Variants in ANKS1B observed in about 807,000 individuals in gnomAD.
ANKS1B encodes ankyrin repeat and sterile alpha motif domain containing 1B.
ANKS1B carries 36 observed loss-of-function variants against 148.3 expected under a neutral mutation model. The observed-to-expected ratio is 0.24, with a 90% confidence interval of 0.19 to 0.32. The LOEUF (loss-of-function observed/expected upper bound fraction) is 0.32. Ranked by LOEUF, ANKS1B falls within the 10% of genes least tolerant of loss-of-function variation. ANKS1B has a pLI of 1.00. For missense variants in ANKS1B, 1,157 were observed against 1,542.6 expected (o/e 0.75, Z 4.19); for synonymous variants, 542 against 560.8 (o/e 0.97, Z 0.47).
At chr12:99,082,899 T>A (rs2050310937) in intron 16 of ANKS1B, among the ~76,000 whole-genome samples, 1 of 152,140 alleles carries the variant, frequency 6.6e-6, no homozygotes, top group East Asian at 1.9e-4. Context: ...GGCACTGTGC[T>A]AGGTGCTATA....
At chr12:98,990,539 T>A in intron 17 of ANKS1B, among the ~76,000 whole-genome samples, 8 of 131,818 alleles carry the variant, frequency 6.1e-5, no homozygotes, top group East Asian at 2.2e-4. Context: ...GCAGCAAGAG[T>A]CAGGATGATA....
intron 17 of ANKS1B, among the ~76,000 whole-genome samples, chr12:98,840,198 G>T (rs1026868022): frequency 6.6e-6 from 1 of 152,032 alleles, no homozygotes; most frequent in Non-Finnish European, 1.5e-5. Flanking sequence ...CTGAGCTTTG[G>T]CACCTTAATT....
At chr12:99,701,540 T>C (rs569574907) in intron 8 of ANKS1B, among the ~76,000 whole-genome samples, 1 of 152,252 alleles carries the variant, frequency 6.6e-6, no homozygotes, top group Admixed American at 6.5e-5. Flanking sequence ...GCTACAAACA[T>C]TCCAATTGTA....
chr12:99,288,739 C>G (rs2079492409), intron 12 of ANKS1B, among the ~76,000 whole-genome samples: 1 of 151,770 alleles, frequency 6.6e-6, no homozygotes. Context: ...CTCCTGATAA[C>G]CTCAAATCAT....
chr12:99,746,821 C>G (rs1031334107), intron 8 of ANKS1B, among the ~76,000 whole-genome samples: 3 of 152,170 alleles, frequency 2.0e-5, no homozygotes, highest in African/African-American at 7.2e-5. Context: ...TTTCTAACTT[C>G]AAGTTGTATA....
chr12:98,766,111 G>A (rs925708469), intron 25 of ANKS1B, among the ~76,000 whole-genome samples: 1 of 152,210 alleles, frequency 6.6e-6, no homozygotes, highest in Non-Finnish European at 1.5e-5. Context: ...ATTAATTTAA[G>A]GCACTGAAAA....
intron 1 of ANKS1B, among the ~76,000 whole-genome samples, chr12:99,904,523 A>T (rs556666424): frequency 6.6e-6 from 1 of 152,124 alleles, no homozygotes; most frequent in South Asian, 2.1e-4. Flanking sequence ...CACACAGTAC[A>T]TTATATTCTG....
chr12:99,699,587 C>G (rs2054491060), intron 8 of ANKS1B, among the ~76,000 whole-genome samples: 1 of 152,118 alleles, frequency 6.6e-6, no homozygotes, highest in Admixed American at 6.6e-5. Context: ...ACAGAGTCTT[C>G]TTGTATTGCT....
At chr12:99,599,939 T>C (rs1218663316) in intron 9 of ANKS1B, among the ~76,000 whole-genome samples, 1 of 151,070 alleles carries the variant, frequency 6.6e-6, no homozygotes, top group East Asian at 1.9e-4. Flanking sequence ...TAGTTGAAAG[T>C]ATCAAATAAG....
At chr12:99,469,104 G>A (rs966225765) in intron 10 of ANKS1B, among the ~76,000 whole-genome samples, 3 of 152,052 alleles carry the variant, frequency 2.0e-5, no homozygotes, top group African/African-American at 7.3e-5. Flanking sequence ...GGAATACTAT[G>A]CAGACATAAA....
chr12:99,094,879 T>C (rs2055385062), intron 15 of ANKS1B, among the ~76,000 whole-genome samples: 1 of 152,172 alleles, frequency 6.6e-6, no homozygotes. Flanking sequence ...ATACTCTGGA[T>C]TCGGTGTGGA....
intron 1 of ANKS1B, among the ~76,000 whole-genome samples, chr12:99,953,547 T>C (rs1473162603): frequency 6.6e-6 from 1 of 151,014 alleles, no homozygotes; most frequent in African/African-American, 2.4e-5. Flanking sequence ...TGAACATACA[T>C]GAAAGTTAAG....
At chr12:99,019,198 AT>A (rs2099944302) in intron 17 of ANKS1B, among the ~76,000 whole-genome samples, 1 of 152,184 alleles carries the variant, frequency 6.6e-6, no homozygotes, top group African/African-American at 2.4e-5. Context: ...TTCTCCAAAG[AT>A]TTGATCATTT....
intron 15 of ANKS1B, among the ~76,000 whole-genome samples, chr12:99,098,836 G>A (rs1184411459): frequency 6.6e-6 from 1 of 151,204 alleles, no homozygotes; most frequent in Non-Finnish European, 1.5e-5. Context: ...GCATCCCACA[G>A]GGTCCCATAC....
chr12:99,742,072 A>G (rs1388047387), intron 8 of ANKS1B, among the ~76,000 whole-genome samples: 3 of 152,064 alleles, frequency 2.0e-5, no homozygotes, highest in Non-Finnish European at 2.9e-5. Context: ...GGACACATAC[A>G]GCGGAACAAT....
At chr12:99,707,537 A>G (rs964540839) in intron 8 of ANKS1B, among the ~76,000 whole-genome samples, 8 of 152,100 alleles carry the variant, frequency 5.3e-5, no homozygotes, top group African/African-American at 1.9e-4. Context: ...TAAAAAGCAT[A>G]CATTCTAATT....
intron 2 of ANKS1B, among the ~76,000 whole-genome samples, chr12:99,822,338 CT>C (rs1483040510): frequency 6.6e-6 from 1 of 152,108 alleles, no homozygotes; most frequent in African/African-American, 2.4e-5. Context: ...ACATGTGCAA[CT>C]TTTATTTTAG....
intron 8 of ANKS1B, among the ~76,000 whole-genome samples, chr12:99,677,090 C>A (rs1293650441): frequency 6.6e-6 from 1 of 152,174 alleles, no homozygotes; most frequent in Non-Finnish European, 1.5e-5. Context: ...GTAATAGGTT[C>A]TTTAACAAAA....
At chr12:98,958,014 A>G (rs534887295) in intron 17 of ANKS1B, among the ~76,000 whole-genome samples, 2 of 152,340 alleles carry the variant, frequency 1.3e-5, no homozygotes, top group East Asian at 3.9e-4. Flanking sequence ...GATGAGCGAC[A>G]GAAGAAAAAA....
Sources: allele counts gnomAD v4.1 joint callset (sites outside exome capture counted in the v4.1 genomes callset), GRCh38; gene constraint gnomAD v4.1.1; transcripts MANE v1.5; gene names NCBI Gene and HGNC (gene_info 2026-07-23, HGNC 2026-07-21).